PIERCE2: variants seen among roughly 807,000 people sequenced by gnomAD.
The protein encoded by PIERCE2 is piercer of microtubule wall 2 protein.
chr15:55,409,120 G>C, the PIERCE2 span, among the ~76,000 whole-genome samples: 1 of 152,114 alleles, frequency 6.6e-6, no homozygotes, highest in Non-Finnish European at 1.5e-5. Flanking sequence ...AAAAGGATTT[G>C]GTGGCCGGGC....
chr15:55,417,975 A>T, the PIERCE2 span: 1 of 663,922 alleles, frequency 1.5e-6, no homozygotes. Flanking sequence ...TCACAAGGTA[A>T]TGTCATCAGT....
the PIERCE2 span, chr15:55,418,573 A>G: frequency 1.1e-5 from 16 of 1,427,014 alleles, no homozygotes; most frequent in Non-Finnish European, 1.4e-5. Context: ...CTCTATGAAA[A>G]TATATTCCTT....
the PIERCE2 span, chr15:55,411,216 C>G: frequency 1.3e-5 from 2 of 152,154 alleles, no homozygotes; most frequent in East Asian, 3.9e-4. Context: ...GTAGTCCCAG[C>G]ACTTTGGAAA....
At chr15:55,408,880 AC>A in the PIERCE2 span, 1 of 846,906 alleles carries the variant, frequency 1.2e-6, no homozygotes, top group East Asian at 2.8e-5. Context: ...CAACCCCACA[AC>A]CCCGAAAAGC....
chr15:55,411,264 G>A, the PIERCE2 span: 2 of 152,026 alleles, frequency 1.3e-5, no homozygotes, highest in Admixed American at 6.6e-5. Context: ...AGGAGTTTGG[G>A]AACAGCCTGG....
chr15:55,416,851 G>A, the PIERCE2 span, among the ~76,000 whole-genome samples: 1 of 152,036 alleles, frequency 6.6e-6, no homozygotes, highest in African/African-American at 2.4e-5. Flanking sequence ...ATCCCAGCTA[G>A]TTGGGAGGCT....
At chr15:55,409,448 C>T in the PIERCE2 span, among the ~76,000 whole-genome samples, 1 of 151,862 alleles carries the variant, frequency 6.6e-6, no homozygotes, top group East Asian at 1.9e-4. Flanking sequence ...TTTACAGAAG[C>T]AATAAAAAGT....
At chr15:55,411,421 G>A in the PIERCE2 span, among the ~76,000 whole-genome samples, 50 of 152,190 alleles carry the variant, frequency 3.3e-4, no homozygotes, top group East Asian at 8.5e-3. Flanking sequence ...CTGCGACTGC[G>A]CCACTGCACT....
At chr15:55,408,720 G>T in the PIERCE2 span, 1 of 1,411,846 alleles carries the variant, frequency 7.1e-7, no homozygotes, top group Non-Finnish European at 9.6e-7. Context: ...CTTGCCATCT[G>T]CTGCATGAAA....
At chr15:55,411,783 T>C in the PIERCE2 span, among the ~76,000 whole-genome samples, 2 of 152,052 alleles carry the variant, frequency 1.3e-5, no homozygotes, top group African/African-American at 4.8e-5. Flanking sequence ...TAGCCAGGCA[T>C]GGTGGTGCAT....
the PIERCE2 span, chr15:55,408,831 G>C: frequency 6.9e-7 from 1 of 1,456,450 alleles, no homozygotes; most frequent in Non-Finnish European, 9.2e-7. Flanking sequence ...GTTGGTATTC[G>C]CTAGTATAAT....
chr15:55,408,842 T>C, the PIERCE2 span: 1 of 1,339,006 alleles, frequency 7.5e-7, no homozygotes, highest in African/African-American at 1.5e-5. Flanking sequence ...CTAGTATAAT[T>C]TGAGGCACCA....
chr15:55,418,263 T>C, the PIERCE2 span: 16 of 1,554,904 alleles, frequency 1.0e-5, no homozygotes, highest in Non-Finnish European at 1.4e-5. Context: ...GACACAGAAA[T>C]GAAATCTGAA....
chr15:55,418,688 TTAAA>T, the PIERCE2 span: 8,831 of 701,332 alleles, frequency 0.013, 584 homozygotes, highest in African/African-American at 0.14. Flanking sequence ...TTAAAATAAG[TTAAA>T]TAAAGTATTT....
the PIERCE2 span, among the ~76,000 whole-genome samples, chr15:55,410,267 G>A: frequency 2.6e-5 from 4 of 152,044 alleles, no homozygotes; most frequent in African/African-American, 7.2e-5. Context: ...ACTAGATTTC[G>A]TTTTCTGCAT....
At chr15:55,408,908 A>G in the PIERCE2 span, 1 of 637,806 alleles carries the variant, frequency 1.6e-6, no homozygotes. Flanking sequence ...CAAGGCAACT[A>G]CTGAGCTTTT....
the PIERCE2 span, chr15:55,410,455 G>A: frequency 6.6e-6 from 1 of 152,146 alleles, no homozygotes; most frequent in South Asian, 2.1e-4. Flanking sequence ...TTCGAGACCA[G>A]CCTGACCAAC....
At chr15:55,413,160 C>A in the PIERCE2 span, among the ~76,000 whole-genome samples, 2 of 151,112 alleles carry the variant, frequency 1.3e-5, no homozygotes, top group Admixed American at 1.3e-4. Context: ...TCCAGCTACT[C>A]GGGAGGCTGA....
At chr15:55,418,166 A>AT in the PIERCE2 span, 1 of 1,562,882 alleles carries the variant, frequency 6.4e-7, no homozygotes, top group African/African-American at 1.4e-5. Flanking sequence ...ACTGAATTAA[A>AT]TTTTTTTTTT....
Sources: gnomAD v4.1 joint callset for allele counts (sites outside exome capture counted in the v4.1 genomes callset) on GRCh38, gnomAD v4.1.1 for gene constraint, MANE v1.5 for transcripts, NCBI Gene and HGNC (gene_info 2026-07-23, HGNC 2026-07-21) for gene names.